MRPL13: variants seen among roughly 807,000 people sequenced by gnomAD.
MRPL13 encodes the protein large ribosomal subunit protein uL13m.
In MRPL13, 33 loss-of-function variants were observed where a neutral mutation model predicts 29.0. The ratio of observed to expected loss-of-function variants is 1.14; its 90% CI spans 0.86 to 1.52. MRPL13 has a LOEUF of 1.52. MRPL13 is among the 40% of genes most tolerant of loss of function. The pLI is 0.00. For synonymous variants in MRPL13, 77 were observed against 68.4 expected, an observed-to-expected ratio of 1.13 and a Z score of -0.62; for missense variants, 227 against 216.7, an observed-to-expected ratio of 1.05 and a Z score of -0.30.
At chr8:120,429,983 C>T (rs920471560) in intron 3 of MRPL13, among the ~76,000 whole-genome samples, 4 of 152,106 alleles carry the variant, frequency 2.6e-5, no homozygotes, top group Non-Finnish European at 5.9e-5. Flanking sequence ...AATTACACGC[C>T]GGGTGCAGTG....
chr8:120,401,486 A>G (rs1812597219), intron 6 of MRPL13, among the ~76,000 whole-genome samples: 1 of 152,210 alleles, frequency 6.6e-6, no homozygotes, highest in Non-Finnish European at 1.5e-5. Flanking sequence ...TAAACTAGGT[A>G]TTGAAGGAAC....
intron 6 of MRPL13, among the ~76,000 whole-genome samples, chr8:120,406,950 A>G (rs1812674926): frequency 6.6e-6 from 1 of 152,254 alleles, no homozygotes; most frequent in Non-Finnish European, 1.5e-5. Context: ...AGAACTTTAA[A>G]AAGCCTCATC....
chr8:120,424,373 G>A (rs902671610), intron 4 of MRPL13, among the ~76,000 whole-genome samples: 1 of 152,152 alleles, frequency 6.6e-6, no homozygotes, highest in Admixed American at 6.6e-5. Context: ...TATAGTCCCA[G>A]GTGTTTGGGA....
At chr8:120,413,615 A>T (rs1348033280) in intron 6 of MRPL13, among the ~76,000 whole-genome samples, 2 of 152,212 alleles carry the variant, frequency 1.3e-5, no homozygotes, top group Non-Finnish European at 2.9e-5. Context: ...GACAACAAGT[A>T]TCCAAAATTA....
chr8:120,413,033 A>AT (rs1175108613), intron 6 of MRPL13, among the ~76,000 whole-genome samples: 3 of 152,214 alleles, frequency 2.0e-5, no homozygotes, highest in Non-Finnish European at 2.9e-5. Flanking sequence ...AGTGCTTGCT[A>AT]TTTTTATTAT....
intron 6 of MRPL13, among the ~76,000 whole-genome samples, chr8:120,402,675 G>T (rs566290641): frequency 4.4e-4 from 67 of 152,256 alleles, no homozygotes; most frequent in African/African-American, 1.4e-3. Flanking sequence ...AAGAGCGTCT[G>T]TACAGCAAAA....
chr8:120,438,181 G>A (rs2130485381), intron 2 of MRPL13, among the ~76,000 whole-genome samples: 1 of 152,130 alleles, frequency 6.6e-6, no homozygotes, highest in East Asian at 1.9e-4. Flanking sequence ...GTGCAACATT[G>A]TGAAACCATG....
intron 5 of MRPL13, among the ~76,000 whole-genome samples, chr8:120,418,092 T>C (rs1246543256): frequency 2.6e-5 from 4 of 152,124 alleles, no homozygotes; most frequent in Non-Finnish European, 5.9e-5. Flanking sequence ...CACATAAATA[T>C]ATGCTTGTGT....
chr8:120,416,646 AT>A (rs1030865594), intron 5 of MRPL13, among the ~76,000 whole-genome samples: 4 of 152,206 alleles, frequency 2.6e-5, no homozygotes, highest in African/African-American at 7.2e-5. Context: ...AAAAATTTAA[AT>A]TTACACAAAA....
chr8:120,411,862 T>C (rs1812744468), intron 6 of MRPL13, among the ~76,000 whole-genome samples: 1 of 152,168 alleles, frequency 6.6e-6, no homozygotes, highest in Non-Finnish European at 1.5e-5. Flanking sequence ...CCCTTTCTAA[T>C]TCTATTAATA....
intron 5 of MRPL13, chr8:120,415,311 CA>C (rs1392186214): frequency 6.6e-6 from 1 of 151,986 alleles, no homozygotes; most frequent in Non-Finnish European, 1.5e-5. Context: ...AGTATGTGTA[CA>C]GGAATTTTCG....
In MRPL13 at chr8:120,432,016, C is replaced by A; in HGVS notation, c.245+14G>T. 6.5e-7 allele frequency: 1 copy of A among 1,533,720 alleles called. No homozygotes were observed. The highest frequency in any genetic ancestry group is 8.8e-7 in the Non-Finnish European group (1 of 1,132,926). On this transcript the variant is annotated intron_variant, in intron 3 of 6. Transcript: ENST00000306185. ...TTTAACTACCTAATTTCCCTGACAA[C>A]AGCATTATCTTACCCAGTATGCGAA...
intron 6 of MRPL13, among the ~76,000 whole-genome samples, chr8:120,403,627 TTAAAA>T (rs935023470): frequency 3.4e-4 from 52 of 152,284 alleles, no homozygotes; most frequent in African/African-American, 1.2e-3. Context: ...ACCCTGGAAC[TTAAAA>T]TAAATGTTCA....
intron 6 of MRPL13, among the ~76,000 whole-genome samples, chr8:120,396,364 T>C (rs2130445000): frequency 6.6e-6 from 1 of 152,292 alleles, no homozygotes; most frequent in Non-Finnish European, 1.5e-5. Context: ...CTTGTGCCTA[T>C]ATAAGAATGT....
In MRPL13 at chr8:120,432,086, T is replaced by G. The variant is rs1813003032; in HGVS notation, c.189A>C (p.Arg63Ser). ...ATTTGTTTCCAGAAAATGCAATGTGTCTTGTGTTCATTATAACAACATGAT... is the reference window on the plus strand; with the variant it reads ...ATTTGTTTCCAGAAAATGCAATGTGGCTTGTGTTCATTATAACAACATGAT... Reference protein sequence around the residue: ...CGDHVVIMNTRHIAFSGNKWE... With the variant: ...CGDHVVIMNTSHIAFSGNKWE... The change falls in exon 3 of 7, where the codon AGA becomes AGC. Residue 63 changes from arginine (R) to serine (S), a missense_variant. Arg to Ser is a moderately radical substitution (Grantham distance 110, BLOSUM62 -1). Transcript: ENST00000306185. 1 of 1,608,154 alleles carries G rather than the reference T, an allele frequency of 6.2e-7. No individual in the cohort carries two copies. The highest frequency in any genetic ancestry group is 1.7e-5 in the Admixed American group (1 of 59,312).
At chr8:120,407,023 A>G (rs374978652) in intron 6 of MRPL13, among the ~76,000 whole-genome samples, 1 of 152,208 alleles carries the variant, frequency 6.6e-6, no homozygotes, top group East Asian at 1.9e-4. Context: ...ATCACACCAC[A>G]TGCCACATCA....
intron 2 of MRPL13, among the ~76,000 whole-genome samples, chr8:120,440,036 T>A (rs747208599): frequency 6.6e-6 from 1 of 152,220 alleles, no homozygotes; most frequent in Non-Finnish European, 1.5e-5. Flanking sequence ...GTACTGGGGA[T>A]ACAGCTGTGT....
intron 2 of MRPL13, among the ~76,000 whole-genome samples, chr8:120,442,308 T>C (rs1455950769): frequency 6.6e-6 from 1 of 152,178 alleles, no homozygotes; most frequent in East Asian, 1.9e-4. Flanking sequence ...CAGTAATTCC[T>C]GTCTTTTGGG....
At chr8:120,413,929 A>G in intron 6 of MRPL13, 62 bp downstream of exon 6, 3 of 1,423,822 alleles carry the variant, frequency 2.1e-6, no homozygotes, top group Non-Finnish European at 2.8e-6. Context: ...TTATTTAATC[A>G]TATGGTTGAG....
Sources: allele counts gnomAD v4.1 joint callset (sites outside exome capture counted in the v4.1 genomes callset), GRCh38; gene constraint gnomAD v4.1.1; transcripts MANE v1.5; gene names NCBI Gene and HGNC (gene_info 2026-07-23, HGNC 2026-07-21).